EFR3A: variants seen among roughly 807,000 people sequenced by gnomAD.
The protein encoded by EFR3A is EFR3 homolog A, also known as protein EFR3 homolog A.
A neutral mutation model predicts 104.4 loss-of-function variants in EFR3A; 76 were observed. That is an observed-to-expected ratio of 0.73 (90% CI 0.60 to 0.88). The LOEUF (loss-of-function observed/expected upper bound fraction) is 0.88. Ranked by LOEUF, EFR3A falls within the 40% of genes least tolerant of loss-of-function variation. EFR3A has a pLI of 0.00. For missense variants in EFR3A, 985 were observed against 1,012.5 expected (o/e 0.97, Z 0.37); for synonymous variants, 330 against 330.0 (o/e 1.00, Z 0.00).
At chr8:131,999,429 T>G (rs1821673919) in intron 19 of EFR3A, among the ~76,000 whole-genome samples, 1 of 152,176 alleles carries the variant, frequency 6.6e-6, no homozygotes, top group South Asian at 2.1e-4. Flanking sequence ...TGGCAGATTT[T>G]ATGTAGGCCC....
chr8:131,946,392 A>T, intron 3 of EFR3A, 91 bp from the exon 4 acceptor site: 1 of 1,259,436 alleles, frequency 7.9e-7, no homozygotes. Flanking sequence ...GGTGTATTTC[A>T]ATAGACTTAT....
intron 3 of EFR3A, among the ~76,000 whole-genome samples, chr8:131,945,450 C>G (rs1818390636): frequency 6.6e-6 from 1 of 151,910 alleles, no homozygotes; most frequent in South Asian, 2.1e-4. Context: ...ATTATAAATA[C>G]TTTTTCATTC....
chr8:132,001,223 A>T (rs1367068986), intron 19 of EFR3A, among the ~76,000 whole-genome samples: 1 of 152,220 alleles, frequency 6.6e-6, no homozygotes, highest in Non-Finnish European at 1.5e-5. Context: ...AACTTTAGAG[A>T]AATACTTCCC....
At chr8:131,974,972 A>G (rs1457488011) in intron 10 of EFR3A, among the ~76,000 whole-genome samples, 2 of 152,254 alleles carry the variant, frequency 1.3e-5, no homozygotes, top group African/African-American at 4.8e-5. Flanking sequence ...AGAAAGGAAC[A>G]TAACAGCCAT....
chr8:131,959,918 A>ACAGT (rs1819217481), intron 8 of EFR3A, among the ~76,000 whole-genome samples: 1 of 152,230 alleles, frequency 6.6e-6, no homozygotes, highest in South Asian at 2.1e-4. Flanking sequence ...AAGCTTCTTG[A>ACAGT]CAGTCTCCTG....
chr8:131,946,984 G>C (rs984022942), intron 4 of EFR3A, among the ~76,000 whole-genome samples: 1 of 151,936 alleles, frequency 6.6e-6, no homozygotes, highest in African/African-American at 2.4e-5. Context: ...TGGCTAGTAT[G>C]AATAATGCTG....
At chr8:131,963,496 A>G (rs1296031800) in intron 8 of EFR3A, among the ~76,000 whole-genome samples, 1 of 152,226 alleles carries the variant, frequency 6.6e-6, no homozygotes, top group East Asian at 1.9e-4. Flanking sequence ...TCCTGGACAC[A>G]CACACCCTCA....
intron 1 of EFR3A, among the ~76,000 whole-genome samples, chr8:131,905,225 G>A (rs998787483): frequency 4.6e-5 from 7 of 152,136 alleles, no homozygotes; most frequent in African/African-American, 1.7e-4. Flanking sequence ...TTGACTAAGT[G>A]TTCAATACTA....
intron 1 of EFR3A, among the ~76,000 whole-genome samples, chr8:131,923,502 GTT>G (rs917163877): frequency 1.7e-4 from 19 of 111,512 alleles, no homozygotes; most frequent in African/African-American, 2.9e-4. Context: ...ATGTCAGGGT[GTT>G]TTTTTTTTTT....
chr8:132,004,433 C>G (rs1345978340), intron 22 of EFR3A, among the ~76,000 whole-genome samples: 1 of 152,198 alleles, frequency 6.6e-6, no homozygotes, highest in Non-Finnish European at 1.5e-5. Flanking sequence ...TGCAAGGGAT[C>G]TAGGTTGCAT....
chr8:132,009,019 G>A (rs1822188796), intron 22 of EFR3A, among the ~76,000 whole-genome samples: 1 of 151,732 alleles, frequency 6.6e-6, no homozygotes. Flanking sequence ...AAAAATTTAA[G>A]TGTATTGTAA....
At chr8:131,934,173 T>C (rs1249424803) in intron 1 of EFR3A, among the ~76,000 whole-genome samples, 5 of 152,222 alleles carry the variant, frequency 3.3e-5, no homozygotes, top group African/African-American at 9.6e-5. Context: ...GTCACCAAAC[T>C]CTTTTCATGT....
intron 8 of EFR3A, among the ~76,000 whole-genome samples, chr8:131,960,998 G>T (rs1485470523): frequency 6.6e-6 from 1 of 152,122 alleles, no homozygotes; most frequent in African/African-American, 2.4e-5. Flanking sequence ...TGCAGCTGAG[G>T]GTCCTGACTG....
intron 5 of EFR3A, among the ~76,000 whole-genome samples, chr8:131,952,118 A>G (rs921238696): frequency 4.6e-5 from 7 of 152,136 alleles, no homozygotes; most frequent in Non-Finnish European, 1.5e-5. Flanking sequence ...AAGAAACTTC[A>G]GCTGTGGTAG....
At chr8:131,961,657 T>G (rs1261379009) in intron 8 of EFR3A, among the ~76,000 whole-genome samples, 1 of 152,170 alleles carries the variant, frequency 6.6e-6, no homozygotes, top group Non-Finnish European at 1.5e-5. Context: ...CCAGGAGAAC[T>G]TCCCCAATCT....
At chr8:132,002,479 C>T in intron 20 of EFR3A, 124 bp from the exon 21 acceptor site, 3 of 677,888 alleles carry the variant, frequency 4.4e-6, no homozygotes, top group Non-Finnish European at 4.7e-6. Context: ...TTATTTTTTT[C>T]TTATAGAAGC....
At chr8:131,915,360 T>G (rs78340057) in intron 1 of EFR3A, among the ~76,000 whole-genome samples, 17,456 of 152,242 alleles carry the variant, frequency 0.11, 1,115 homozygotes, top group South Asian at 0.22. Flanking sequence ...TGTAGTCATT[T>G]CAGTCATAGG....
At chr8:131,967,902 A>G (rs1378050806) in intron 8 of EFR3A, among the ~76,000 whole-genome samples, 1 of 40,880 alleles carries the variant, frequency 2.4e-5, no homozygotes, top group Non-Finnish European at 4.3e-5. Flanking sequence ...TTTTTACAAA[A>G]TTTTGTCCTA....
chr8:131,950,215 T>C (rs1818631532), intron 5 of EFR3A, 125 bp downstream of exon 5: 1 of 1,032,994 alleles, frequency 9.7e-7, no homozygotes, highest in Non-Finnish European at 1.4e-6. Flanking sequence ...CCATTGCTGT[T>C]AGAAGCTATA....
Sources: gnomAD v4.1 joint callset for allele counts (sites outside exome capture counted in the v4.1 genomes callset) on GRCh38, gnomAD v4.1.1 for gene constraint, MANE v1.5 for transcripts, NCBI Gene and HGNC (gene_info 2026-07-23, HGNC 2026-07-21) for gene names.